The following PRDM16 variants were observed in gnomAD, a reference collection of about 807,000 sequenced individuals.
PRDM16 encodes PR/SET domain 16.
Under a neutral mutation model 110.6 loss-of-function variants are expected in PRDM16, and 23 were observed. That is an observed-to-expected ratio of 0.21 (90% CI 0.15 to 0.29). The LOEUF (loss-of-function observed/expected upper bound fraction) is 0.29. PRDM16 is among the 10% of genes least tolerant of loss of function. The probability of loss-of-function intolerance (pLI) is 1.00; values close to 1 mark genes in which losing one functional copy is unlikely to be tolerated. For missense variants in PRDM16, 1,615 were observed against 1,794.3 expected, an observed-to-expected ratio of 0.90 and a Z score of 1.81; for synonymous variants, 799 against 781.8, an observed-to-expected ratio of 1.02 and a Z score of -0.37.
chr1:3,417,763 G>A (rs913105540), intron 10 of PRDM16, 65 bp from the exon 11 acceptor site: 1 of 1,405,908 alleles, frequency 7.1e-7, no homozygotes, highest in Non-Finnish European at 1.0e-6. Flanking sequence ...ACCCCCAGCA[G>A]TGCGTGCCCC....
At position 3,402,886 on chromosome 1, in the gene PRDM16, G is replaced by A; in HGVS notation, c.772G>A (p.Ala258Thr). 6.2e-7 allele frequency: 1 copy of A among 1,613,072 alleles called. No individual in the cohort carries two copies. Among genetic ancestry groups the A allele is most frequent in the Non-Finnish European group, 8.5e-7 (1 of 1,180,010 alleles). The part of the protein sequence containing the change: ...HKKYTCGSVG[A>T]ALYEGLAEEL... ...GAAGTACACGTGTGGCTCAGTGGGG[G>A]CTGCGCTCTACGAGGGCCTGGCTGA... The change falls in exon 6 of 17, where the codon GCT becomes ACT. Residue 258 changes from alanine to threonine, a missense_variant. Ala to Thr is a moderately conservative substitution (Grantham distance 58). This residue lies in a region of PRDM16 where 416 missense variants were observed against 467.1 expected (regional missense o/e 0.89). Transcript: ENST00000270722.
At chr1:3,401,661 AAC>A (rs1374461155) in intron 5 of PRDM16, among the ~76,000 whole-genome samples, 9 of 152,198 alleles carry the variant, frequency 5.9e-5, no homozygotes, top group African/African-American at 1.2e-4. Context: ...GTGCACATCA[AAC>A]ACATATGCAC....
intron 2 of PRDM16, among the ~76,000 whole-genome samples, chr1:3,212,042 C>T (rs965684856): frequency 2.0e-5 from 3 of 152,158 alleles, no homozygotes; most frequent in African/African-American, 2.4e-5. Context: ...GTCTTTGGGC[C>T]GTCAGTTTGG....
At chr1:3,303,787 C>T (rs985190459) in intron 3 of PRDM16, among the ~76,000 whole-genome samples, 4 of 147,614 alleles carry the variant, frequency 2.7e-5, no homozygotes, top group Non-Finnish European at 4.4e-5. Flanking sequence ...TCTGTGCCTT[C>T]TGAGGGATGT....
intron 3 of PRDM16, among the ~76,000 whole-genome samples, chr1:3,346,318 G>C (rs1389248119): frequency 6.6e-6 from 1 of 152,170 alleles, no homozygotes; most frequent in Admixed American, 6.5e-5. Flanking sequence ...CATAGGCTGG[G>C]GGCTTGGGGG....
intron 2 of PRDM16, among the ~76,000 whole-genome samples, chr1:3,234,764 C>T (rs1267157201): frequency 6.6e-6 from 1 of 152,244 alleles, no homozygotes; most frequent in African/African-American, 2.4e-5. Flanking sequence ...CACTCACTGA[C>T]TCATGATTTA....
chr1:3,161,177 C>T (rs12132700), intron 1 of PRDM16, among the ~76,000 whole-genome samples: 170 of 152,262 alleles, frequency 1.1e-3, no homozygotes, highest in Non-Finnish European at 2.1e-3. Context: ...GGAGCCAGCG[C>T]GGAAAGTTCC....
chr1:3,152,942 C>T (rs533985739), intron 1 of PRDM16, among the ~76,000 whole-genome samples: 1 of 152,338 alleles, frequency 6.6e-6, no homozygotes, highest in East Asian at 1.9e-4. Context: ...GAGGACGGCT[C>T]CCAGGAGAAC....
chr1:3,384,999 C>T, intron 3 of PRDM16, 153 bp from the exon 4 acceptor site: 2 of 871,982 alleles, frequency 2.3e-6, no homozygotes, highest in Middle Eastern at 3.6e-4. Flanking sequence ...GGGCTGGGAG[C>T]CCCGCTGATG....
chr1:3,275,663 C>T (rs1311865103), intron 3 of PRDM16, among the ~76,000 whole-genome samples: 1 of 152,212 alleles, frequency 6.6e-6, no homozygotes, highest in Non-Finnish European at 1.5e-5. Flanking sequence ...CCCTCAAGAA[C>T]TCCATCCGGT....
At chr1:3,279,027 G>A (rs571658198) in intron 3 of PRDM16, among the ~76,000 whole-genome samples, 80 of 152,332 alleles carry the variant, frequency 5.3e-4, no homozygotes, top group African/African-American at 1.9e-3. Context: ...TCCACCTTTG[G>A]GGCAGGGGCA....
chr1:3,328,037 C>T (rs923882484), intron 3 of PRDM16, among the ~76,000 whole-genome samples: 5 of 152,236 alleles, frequency 3.3e-5, no homozygotes, highest in Non-Finnish European at 5.9e-5. Context: ...GAATCCCCCA[C>T]AGGAGGGAAG....
At chr1:3,124,778 C>G (rs1643169739) in intron 1 of PRDM16, among the ~76,000 whole-genome samples, 1 of 152,336 alleles carries the variant, frequency 6.6e-6, no homozygotes, top group African/African-American at 2.4e-5. Flanking sequence ...GGGGGGACCT[C>G]TATGCCCTTG....
chr1:3,267,614 G>T (rs973809199), intron 3 of PRDM16, among the ~76,000 whole-genome samples: 3 of 152,214 alleles, frequency 2.0e-5, no homozygotes, highest in Non-Finnish European at 4.4e-5. Context: ...ATCCCGGGGT[G>T]CCTGTGTTCG....
chr1:3,237,080 G>C (rs951694385), intron 2 of PRDM16, among the ~76,000 whole-genome samples: 6 of 152,102 alleles, frequency 3.9e-5, no homozygotes, highest in Admixed American at 2.6e-4. Flanking sequence ...GAGCAGACAT[G>C]AGGAGGGAGA....
intron 2 of PRDM16, among the ~76,000 whole-genome samples, chr1:3,221,992 G>A (rs17391143): frequency 0.018 from 2,787 of 152,280 alleles, 37 homozygotes; most frequent in Middle Eastern, 0.048. Context: ...AAGTAGTCTC[G>A]CGTCTTATCT....
chr1:3,305,217 CT>C (rs1570031517), intron 3 of PRDM16, among the ~76,000 whole-genome samples: 1 of 152,202 alleles, frequency 6.6e-6, no homozygotes, highest in African/African-American at 2.4e-5. Flanking sequence ...TACAAAGGAC[CT>C]GTCCCAGAAG....
At chr1:3,381,070 C>G (rs1415347337) in intron 3 of PRDM16, among the ~76,000 whole-genome samples, 1 of 152,238 alleles carries the variant, frequency 6.6e-6, no homozygotes, top group African/African-American at 2.4e-5. Flanking sequence ...AGGGAATTGG[C>G]CATCGCTTCA....
intron 3 of PRDM16, chr1:3,307,545 A>T (rs1641342727): frequency 6.6e-6 from 1 of 152,252 alleles, no homozygotes; most frequent in Admixed American, 6.5e-5. Flanking sequence ...GACACCTCCC[A>T]GCAGGCTTCA....
Sources: gnomAD v4.1 joint callset for allele counts (sites outside exome capture counted in the v4.1 genomes callset) on GRCh38, gnomAD v4.1.1 for gene constraint, gnomAD v4.1.1 regional missense constraint, MANE v1.5 for transcripts, NCBI Gene and HGNC (gene_info 2026-07-23, HGNC 2026-07-21) for gene names.